Variants in RBFOX1 observed in about 807,000 individuals in gnomAD.
RBFOX1 encodes the protein RNA binding protein fox-1 homolog 1.
Under a neutral mutation model 57.7 loss-of-function variants are expected in RBFOX1, and 8 were observed. The observed-to-expected ratio is 0.14, with a 90% CI of 0.08 to 0.25. The LOEUF is 0.25. RBFOX1 is among the 10% of genes least tolerant of loss of function. The pLI is 1.00. For synonymous variants in RBFOX1, 326 were observed against 222.4 expected, an observed-to-expected ratio of 1.47 and a Z score of -4.15; for missense variants, 611 against 548.5, an observed-to-expected ratio of 1.11 and a Z score of -1.14.
chr16:6,844,051 C>A (rs1001101375), intron 3 of RBFOX1, among the ~76,000 whole-genome samples: 1 of 152,088 alleles, frequency 6.6e-6, no homozygotes, highest in Non-Finnish European at 1.5e-5. Flanking sequence ...TTCTCTCTCT[C>A]TTTCTCTGTC....
At chr16:6,917,401 T>G (rs1276587809) in intron 3 of RBFOX1, among the ~76,000 whole-genome samples, 1 of 152,194 alleles carries the variant, frequency 6.6e-6, no homozygotes, top group Non-Finnish European at 1.5e-5. Context: ...TAGCTCTATA[T>G]CTTATAAAGA....
At chr16:5,606,879 G>C (rs1324056080) in intron 3 of RBFOX1, among the ~76,000 whole-genome samples, 1 of 152,216 alleles carries the variant, frequency 6.6e-6, no homozygotes, top group Non-Finnish European at 1.5e-5. Context: ...TAGTCTGGAA[G>C]AGGGGATGTC....
chr16:7,257,309 T>C (rs1383140783), intron 4 of RBFOX1, among the ~76,000 whole-genome samples: 1 of 152,180 alleles, frequency 6.6e-6, no homozygotes, highest in Non-Finnish European at 1.5e-5. Context: ...ACACGCTTCC[T>C]GTGTATTTCC....
chr16:7,674,186 T>G (rs187021298), intron 13 of RBFOX1, among the ~76,000 whole-genome samples: 1 of 152,184 alleles, frequency 6.6e-6, no homozygotes, highest in Non-Finnish European at 1.5e-5. Context: ...AGGAAGACCA[T>G]GCAGTAAAGA....
intron 3 of RBFOX1, among the ~76,000 whole-genome samples, chr16:6,938,901 C>T (rs2077835887): frequency 6.6e-6 from 1 of 152,090 alleles, no homozygotes; most frequent in Non-Finnish European, 1.5e-5. Context: ...CACTGCACTC[C>T]AGCCTGGGTG....
intron 4 of RBFOX1, among the ~76,000 whole-genome samples, chr16:7,125,239 T>C (rs770689424): frequency 6.6e-6 from 1 of 152,148 alleles, no homozygotes; most frequent in East Asian, 1.9e-4. Flanking sequence ...TTAGCAGAGA[T>C]AGAACTTTGG....
intron 3 of RBFOX1, among the ~76,000 whole-genome samples, chr16:6,734,356 A>G (rs2069503091): frequency 6.6e-6 from 1 of 152,212 alleles, no homozygotes; most frequent in Admixed American, 6.5e-5. Context: ...TGAATTCACA[A>G]GATTGCTAAT....
chr16:7,022,529 G>C (rs934809901), intron 3 of RBFOX1, among the ~76,000 whole-genome samples: 2 of 152,028 alleles, frequency 1.3e-5, no homozygotes, highest in African/African-American at 2.4e-5. Context: ...TGTGAGGTCA[G>C]GAACTAGGCC....
At chr16:7,341,776 C>CTTCCTTCCTTCCTTCCTTCCTTCCTTCCT (rs1568306565) in intron 4 of RBFOX1, among the ~76,000 whole-genome samples, 1 of 95,120 alleles carries the variant, frequency 1.1e-5, no homozygotes, top group African/African-American at 4.0e-5. Flanking sequence ...CCCTCCCTCC[C>CTTCCTTCCTTCCTTCCTTCCTTCCTTCCT]TCCTTCCTTC....
In RBFOX1 at chr16:6,012,507, A is replaced by C. The variant is rs908727643; in HGVS notation, c.351+145172A>C. Among the ~76,000 whole-genome samples, 6 of 152,336 alleles carry C rather than the reference A, an allele frequency of 3.9e-5. No individual in the cohort carries two copies. The East Asian group carries it at 1.2e-3, about 29-fold the overall frequency. ...TGGGTAGAAGCCAAGAATACTGCTG[A>C]ATATCCCACAGTGCCCAGGGAGTCC... On this transcript the variant is annotated intron_variant, in intron 4 of 19. Transcript: ENST00000641259.
intron 1 of RBFOX1, among the ~76,000 whole-genome samples, chr16:6,033,261 G>A (rs1226092220): frequency 6.6e-6 from 1 of 152,174 alleles, no homozygotes; most frequent in African/African-American, 2.4e-5. Context: ...AAGAGAGGTA[G>A]GGTCGTTTCT....
intron 10 of RBFOX1, among the ~76,000 whole-genome samples, chr16:7,627,406 T>A (rs116823322): frequency 6.6e-6 from 1 of 152,154 alleles, no homozygotes; most frequent in Non-Finnish European, 1.5e-5. Context: ...GTGGTATAAA[T>A]TGACCCCATT....
intron 1 of RBFOX1, among the ~76,000 whole-genome samples, chr16:5,325,369 C>T (rs2064539652): frequency 1.3e-5 from 2 of 152,328 alleles, no homozygotes; most frequent in Admixed American, 6.5e-5. Flanking sequence ...GATCCTATTC[C>T]TGCACAGTTG....
At chr16:7,697,253 A>G (rs1162686309) in intron 14 of RBFOX1, among the ~76,000 whole-genome samples, 1 of 152,070 alleles carries the variant, frequency 6.6e-6, no homozygotes, top group African/African-American at 2.4e-5. Flanking sequence ...TTTAAGCTGT[A>G]TTTTGATGGG....
intron 4 of RBFOX1, among the ~76,000 whole-genome samples, chr16:7,079,609 A>G (rs1305796019): frequency 6.6e-6 from 1 of 152,192 alleles, no homozygotes; most frequent in Non-Finnish European, 1.5e-5. Context: ...CATATTGAAT[A>G]AGTACCTCAT....
At chr16:7,212,345 G>T (rs751164917) in intron 4 of RBFOX1, among the ~76,000 whole-genome samples, 5 of 152,106 alleles carry the variant, frequency 3.3e-5, no homozygotes, top group Admixed American at 2.0e-4. Flanking sequence ...GAAAGTATTC[G>T]CTTGCCTGTA....
At chr16:7,556,975 C>T (rs1258946544) in intron 5 of RBFOX1, among the ~76,000 whole-genome samples, 1 of 152,212 alleles carries the variant, frequency 6.6e-6, no homozygotes, top group Non-Finnish European at 1.5e-5. Context: ...ACAACAACGA[C>T]ATCCTCCTCC....
intron 5 of RBFOX1, among the ~76,000 whole-genome samples, chr16:7,530,237 C>G (rs1601014973): frequency 6.6e-6 from 1 of 152,084 alleles, no homozygotes; most frequent in South Asian, 2.1e-4. Context: ...ACAGCAGAAC[C>G]CAATGTAAGG....
chr16:6,029,036 G>A (rs2095248205), intron 1 of RBFOX1, among the ~76,000 whole-genome samples: 1 of 152,122 alleles, frequency 6.6e-6, no homozygotes, highest in Non-Finnish European at 1.5e-5. Flanking sequence ...TGGCTACCTG[G>A]GAGTGAGTTA....
Sources: allele counts gnomAD v4.1 joint callset (sites outside exome capture counted in the v4.1 genomes callset), GRCh38; gene constraint gnomAD v4.1.1; transcripts MANE v1.5; gene names NCBI Gene and HGNC (gene_info 2026-07-23, HGNC 2026-07-21).